ELOVL7: variants seen among roughly 807,000 people sequenced by gnomAD.
ELOVL7 encodes very long chain fatty acid elongase 7.
In ELOVL7, 27 loss-of-function variants were observed where a neutral mutation model predicts 35.7. The observed-to-expected ratio is 0.76, with a 90% confidence interval of 0.56 to 1.04. The LOEUF (loss-of-function observed/expected upper bound fraction) is 1.04. Ranked by LOEUF, ELOVL7 falls within the 50% of genes least tolerant of loss-of-function variation. ELOVL7 has a pLI of 0.00. For missense variants in ELOVL7, 327 were observed against 340.8 expected (o/e 0.96, Z 0.32); for synonymous variants, 113 against 114.6 (o/e 0.99, Z 0.09).
At chr5:60,775,739 T>C (rs985543319) in intron 3 of ELOVL7, among the ~76,000 whole-genome samples, 2 of 152,200 alleles carry the variant, frequency 1.3e-5, no homozygotes, top group African/African-American at 4.8e-5. Flanking sequence ...AAGGACTCCC[T>C]ATTCAATAGA....
rs145667988 is a variant in ELOVL7 at position 60,802,748 on chromosome 5, A to G, written c.-85-3518T>C. 3.3e-5 allele frequency: 5 copies of G among 152,324 alleles called. No individual in the cohort carries two copies. The East Asian group carries it at 9.6e-4, about 29-fold the overall frequency. 9.4% of individuals were successfully genotyped at this position (152,324 alleles called of 1,614,324 possible). ...ACCATAAGCCTTGTCATTTAGGCAA[A>G]CAAAATTGATGAAGAAATGTCAAAG... On this transcript the variant is annotated intron_variant, in intron 1 of 8. Coordinates refer to ENST00000508821, the MANE Select transcript of ELOVL7 (RefSeq NM_024930.3).
intron 1 of ELOVL7, among the ~76,000 whole-genome samples, chr5:60,839,827 C>G (rs1323691645): frequency 6.6e-6 from 1 of 152,172 alleles, no homozygotes; most frequent in Admixed American, 6.5e-5. Flanking sequence ...TAGTGAGACT[C>G]TGTCTCTATA....
chr5:60,842,743 G>A (rs554258054), intron 1 of ELOVL7, among the ~76,000 whole-genome samples: 1 of 152,286 alleles, frequency 6.6e-6, no homozygotes, highest in East Asian at 1.9e-4. Context: ...GATGGGTGTG[G>A]CCTTGGGCAA....
chr5:60,812,668 T>C (rs1180118683), intron 1 of ELOVL7, among the ~76,000 whole-genome samples: 1 of 152,022 alleles, frequency 6.6e-6, no homozygotes, highest in Non-Finnish European at 1.5e-5. Context: ...AAAGGTTTCC[T>C]CTCTCACTGG....
At chr5:60,785,854 C>T (rs1042560299) in intron 3 of ELOVL7, 1 of 152,188 alleles carries the variant, frequency 6.6e-6, no homozygotes, top group Non-Finnish European at 1.5e-5. Context: ...AAAGGAAAAA[C>T]TGTTGGGAAC....
intron 2 of ELOVL7, among the ~76,000 whole-genome samples, chr5:60,798,624 T>C (rs1024617209): frequency 7.9e-5 from 12 of 152,242 alleles, no homozygotes; most frequent in Non-Finnish European, 1.8e-4. Context: ...AAGATCATTA[T>C]ATGGTGATAA....
chr5:60,784,191 A>C (rs1743429402), intron 3 of ELOVL7: 1 of 1,440,030 alleles, frequency 6.9e-7, no homozygotes, highest in Non-Finnish European at 9.3e-7. Flanking sequence ...TTAAGATTCC[A>C]AGTACTAATG....
intron 2 of ELOVL7, among the ~76,000 whole-genome samples, chr5:60,797,252 A>G (rs1305442090): frequency 1.3e-5 from 2 of 152,192 alleles, no homozygotes; most frequent in Non-Finnish European, 2.9e-5. Flanking sequence ...GCAAAAATAC[A>G]TGTCCATTCC....
intron 7 of ELOVL7, among the ~76,000 whole-genome samples, chr5:60,760,284 A>G (rs1741820394): frequency 6.6e-6 from 1 of 152,206 alleles, no homozygotes; most frequent in Non-Finnish European, 1.5e-5. Flanking sequence ...ATTTCTTCGC[A>G]TCCTCTCCAG....
At chr5:60,783,779 G>A (rs1296678420) in intron 3 of ELOVL7, among the ~76,000 whole-genome samples, 2 of 152,158 alleles carry the variant, frequency 1.3e-5, no homozygotes, top group Non-Finnish European at 2.9e-5. Flanking sequence ...ATAAAAGGAT[G>A]ACCCCTAAAG....
chr5:60,826,677 T>C (rs1746189977), intron 1 of ELOVL7, among the ~76,000 whole-genome samples: 1 of 152,206 alleles, frequency 6.6e-6, no homozygotes, highest in Non-Finnish European at 1.5e-5. Flanking sequence ...TTCTAATTTG[T>C]TTTCCCTAAT....
intron 1 of ELOVL7, among the ~76,000 whole-genome samples, chr5:60,806,702 T>A (rs533216478): frequency 2.0e-5 from 3 of 152,306 alleles, no homozygotes; most frequent in Admixed American, 1.3e-4. Context: ...TTCTGAGGGC[T>A]GAAGGAACTG....
chr5:60,775,587 G>A (rs1579806869), intron 3 of ELOVL7, among the ~76,000 whole-genome samples: 1 of 152,036 alleles, frequency 6.6e-6, no homozygotes, highest in South Asian at 2.1e-4. Flanking sequence ...TGTACTACAC[G>A]GCTACAGTAA....
chr5:60,762,409 T>C (rs987529801), intron 7 of ELOVL7, among the ~76,000 whole-genome samples: 19 of 151,762 alleles, frequency 1.3e-4, no homozygotes, highest in African/African-American at 3.9e-4. Flanking sequence ...AACTCAAACA[T>C]AGAAGTTAGA....
intron 1 of ELOVL7, among the ~76,000 whole-genome samples, chr5:60,822,522 G>C (rs904690496): frequency 6.6e-6 from 1 of 152,218 alleles, no homozygotes; most frequent in Non-Finnish European, 1.5e-5. Flanking sequence ...CAAGGGCAGA[G>C]ATAGTTTGGT....
chr5:60,821,148 T>C (rs1276793300), intron 1 of ELOVL7, among the ~76,000 whole-genome samples: 2 of 152,236 alleles, frequency 1.3e-5, no homozygotes, highest in African/African-American at 4.8e-5. Flanking sequence ...ACCAGAGTCA[T>C]CTTCCCAAGG....
chr5:60,787,065 A>C (rs992785123), intron 3 of ELOVL7, among the ~76,000 whole-genome samples: 1 of 152,160 alleles, frequency 6.6e-6, no homozygotes, highest in Non-Finnish European at 1.5e-5. Flanking sequence ...AATGGCTACT[A>C]AGTTAGAATG....
rs184939058 is a variant in ELOVL7 at position 60,828,096 on chromosome 5, T to C, written c.-86+16064A>G. Among the ~76,000 whole-genome samples, 486 of 152,236 alleles carry C rather than the reference T, an allele frequency of 3.2e-3. 4 individuals carry two copies. Among genetic ancestry groups the C allele is most frequent in the African/African-American group, 0.011 (460 of 41,538 alleles). On this transcript the variant is annotated intron_variant, in intron 1 of 8. Transcript: ENST00000508821. ...AAAGCACCTCTCACCAGGACCTTTG[T>C]CTTTTCAGAACCCTCTAGCAATTTG...
intron 2 of ELOVL7, among the ~76,000 whole-genome samples, chr5:60,793,542 T>A (rs983428805): frequency 1.3e-5 from 2 of 152,156 alleles, no homozygotes; most frequent in African/African-American, 4.8e-5. Context: ...TCTGACAGAC[T>A]CCTGATACCC....
Sources: gnomAD v4.1 joint callset for allele counts (sites outside exome capture counted in the v4.1 genomes callset) on GRCh38, gnomAD v4.1.1 for gene constraint, MANE v1.5 for transcripts, NCBI Gene and HGNC (gene_info 2026-07-23, HGNC 2026-07-21) for gene names.